Variants in RSPRY1 observed in about 807,000 individuals in gnomAD.
RSPRY1 encodes the protein RING finger and SPRY domain-containing protein 1.
A neutral mutation model predicts 73.1 loss-of-function variants in RSPRY1; 23 were observed. That is an observed-to-expected ratio of 0.31 (90% confidence interval 0.23 to 0.45). The LOEUF (loss-of-function observed/expected upper bound fraction) is 0.45, where lower values mean the gene tolerates loss of function less well. Among genes scored for constraint, RSPRY1 ranks in the 20% least tolerant of loss-of-function variants. RSPRY1 has a pLI of 1.00. For synonymous variants in RSPRY1, 226 were observed against 251.4 expected (o/e 0.90, Z 0.95); for missense variants, 448 against 698.7 (o/e 0.64, Z 4.05).
chr16:57,198,558 T>C (rs560314835), intron 1 of RSPRY1, among the ~76,000 whole-genome samples: 58 of 152,356 alleles, frequency 3.8e-4, no homozygotes, highest in African/African-American at 1.4e-3. Context: ...TCCTAAATAC[T>C]TTTATGTGTT....
intron 1 of RSPRY1, among the ~76,000 whole-genome samples, chr16:57,194,421 G>A (rs2074403515): frequency 6.6e-6 from 1 of 152,108 alleles, no homozygotes; most frequent in South Asian, 2.1e-4. Flanking sequence ...ATAAAATATT[G>A]GGAGTGGGGA....
At chr16:57,210,252 T>C (rs1163599622) in intron 4 of RSPRY1, among the ~76,000 whole-genome samples, 2 of 151,658 alleles carry the variant, frequency 1.3e-5, no homozygotes, top group Non-Finnish European at 2.9e-5. Context: ...TAAATTTTTT[T>C]TATTTTTTGT....
chr16:57,199,014 A>G (rs1052170700), intron 1 of RSPRY1, among the ~76,000 whole-genome samples: 2 of 152,212 alleles, frequency 1.3e-5, no homozygotes, highest in African/African-American at 4.8e-5. Flanking sequence ...ACCATCCCCA[A>G]AGTGTTAGTT....
chr16:57,230,945 C>T (rs1453264515), intron 12 of RSPRY1, 132 bp downstream of exon 12: 3 of 700,668 alleles, frequency 4.3e-6, no homozygotes, highest in African/African-American at 1.8e-5. Context: ...TGATTGGGAA[C>T]CCATTTGATC....
Position 57,192,826 on chromosome 16 carries a change from C to T in RSPRY1, c.-156+6375C>T, listed in dbSNP as rs572789185. Among the ~76,000 whole-genome samples the T allele has an allele frequency of 2.0e-5, 3 of 151,732 alleles. 1 individual carries two copies. The highest frequency in any genetic ancestry group is 4.2e-4 in the South Asian group (2 of 4,804). On this transcript the variant is annotated intron_variant, in intron 1 of 14. Transcript: ENST00000394420. ...GCTCAGGCGATCCTCCCACCCCTCA[C>T]TCCCACTGCCCTTCCCAGTAGCTGG...
chr16:57,187,735 A>G (rs2074264526), intron 1 of RSPRY1, among the ~76,000 whole-genome samples: 1 of 152,068 alleles, frequency 6.6e-6, no homozygotes, highest in Non-Finnish European at 1.5e-5. Flanking sequence ...TGGGAGCCAT[A>G]TTGTACTGAA....
chr16:57,202,887 TATATATA>T (rs2074649980), intron 1 of RSPRY1, among the ~76,000 whole-genome samples: 1 of 61,752 alleles, frequency 1.6e-5, no homozygotes, highest in Non-Finnish European at 3.5e-5. Context: ...ATTATATATA[TATATATA>T]TATATATATA....
chr16:57,203,839 C>G (rs1260867468), intron 1 of RSPRY1, among the ~76,000 whole-genome samples: 2 of 152,194 alleles, frequency 1.3e-5, no homozygotes, highest in East Asian at 3.8e-4. Flanking sequence ...TGTGAAAATA[C>G]AACTTTTGTG....
At chr16:57,208,215 CA>C in intron 3 of RSPRY1, 105 bp downstream of exon 3, 2 of 655,382 alleles carry the variant, frequency 3.1e-6, no homozygotes, top group Non-Finnish European at 5.0e-6. Flanking sequence ...TAAAAGACTC[CA>C]AAAATACAGC....
chr16:57,205,680 C>A (rs1454483431), intron 2 of RSPRY1, among the ~76,000 whole-genome samples: 2 of 152,208 alleles, frequency 1.3e-5, no homozygotes, highest in Non-Finnish European at 2.9e-5. Flanking sequence ...TAGTTAAGAG[C>A]ACAAAGCTTA....
intron 3 of RSPRY1, 104 bp from the exon 4 acceptor site, chr16:57,208,971 A>G (rs2074783110): frequency 5.4e-6 from 4 of 746,238 alleles, no homozygotes; most frequent in South Asian, 3.9e-5. Context: ...CTAAAAATCT[A>G]TAGACCAAAA....
chr16:57,194,188 A>G (rs145606409), intron 1 of RSPRY1, among the ~76,000 whole-genome samples: 1 of 152,364 alleles, frequency 6.6e-6, no homozygotes, highest in East Asian at 1.9e-4. Flanking sequence ...ACTGATGCCT[A>G]TAGTTTACTT....
chr16:57,213,923 C>G lies in RSPRY1; in HGVS notation c.679C>G (p.Leu227Val). The G allele has an allele frequency of 2.5e-6, 4 of 1,608,752 alleles. No homozygotes were observed. Among genetic ancestry groups the G allele is most frequent in the Non-Finnish European group, 2.6e-6 (3 of 1,175,076 alleles). Residue 227 changes from leucine (L) to valine (V), a missense_variant, in exon 6 of 15, where the codon CTG becomes GTG. Physicochemically the swap from Leu to Val is conservative, Grantham distance 32. Coordinates refer to ENST00000394420, the MANE Select transcript of RSPRY1 (RefSeq NM_133368.3). ...TATAGGTTTACTTAGCCCAGGAATACTGGAATACTTGCTACAGTGTCTGGT... is the reference window on the plus strand; with the variant it reads ...TATAGGTTTACTTAGCCCAGGAATAGTGGAATACTTGCTACAGTGTCTGGT... ...ASIGLLSPGI[L>V]EYLLQCLKLQ...
intron 2 of RSPRY1, 23 bp from the exon 3 acceptor site, chr16:57,208,035 A>G: frequency 3.3e-6 from 5 of 1,496,138 alleles, no homozygotes; most frequent in Non-Finnish European, 4.6e-6. Flanking sequence ...CTCAGGTTTA[A>G]TGCCTTGAAT....
intron 10 of RSPRY1, chr16:57,224,338 CTG>C (rs1173360011): frequency 6.6e-6 from 1 of 152,266 alleles, no homozygotes; most frequent in Non-Finnish European, 1.5e-5. Flanking sequence ...AGGCAGAACA[CTG>C]TCTTCATACA....
At chr16:57,228,378 A>G (rs909048469) in intron 11 of RSPRY1, among the ~76,000 whole-genome samples, 1 of 152,188 alleles carries the variant, frequency 6.6e-6, no homozygotes, top group East Asian at 1.9e-4. Context: ...AGAAAAGCCA[A>G]CAGGAACACT....
chr16:57,214,105 C>G (rs2062092674), intron 6 of RSPRY1, among the ~76,000 whole-genome samples, 159 bp downstream of exon 6: 1 of 152,180 alleles, frequency 6.6e-6, no homozygotes, highest in African/African-American at 2.4e-5. Context: ...TATTTATTCC[C>G]TCCTATGTTT....
At chr16:57,186,841 C>T (rs1387250204) in intron 1 of RSPRY1, 7 of 152,098 alleles carry the variant, frequency 4.6e-5, no homozygotes, top group African/African-American at 1.5e-4. Flanking sequence ...GGGGTCCTGA[C>T]CTACTCAGGG....
intron 1 of RSPRY1, among the ~76,000 whole-genome samples, chr16:57,201,039 C>T (rs868242896): frequency 1.4e-4 from 20 of 143,168 alleles, no homozygotes; most frequent in African/African-American, 4.1e-4. Context: ...CCCGGATGGG[C>T]GGCTGGCCGG....
Sources: allele counts gnomAD v4.1 joint callset (sites outside exome capture counted in the v4.1 genomes callset), GRCh38; gene constraint gnomAD v4.1.1; transcripts MANE v1.5; gene names NCBI Gene and HGNC (gene_info 2026-07-23, HGNC 2026-07-21).